Variants in IMMP2L observed in about 807,000 individuals in gnomAD.
The protein encoded by IMMP2L is inner mitochondrial membrane peptidase subunit 2.
IMMP2L carries 18 observed loss-of-function variants against 19.3 expected under a neutral mutation model. The ratio of observed to expected loss-of-function variants is 0.93; its 90% CI spans 0.64 to 1.38. IMMP2L has a LOEUF of 1.38. Ranked by LOEUF, IMMP2L falls within the 40% of genes most tolerant of loss-of-function variation. IMMP2L has a pLI of 0.00. For missense variants in IMMP2L, 233 were observed against 218.2 expected (o/e 1.07, Z -0.43); for synonymous variants, 76 against 73.0 (o/e 1.04, Z -0.21).
intron 3 of IMMP2L, among the ~76,000 whole-genome samples, chr7:111,348,264 G>T (rs1350806135): frequency 6.6e-6 from 1 of 151,768 alleles, no homozygotes; most frequent in Non-Finnish European, 1.5e-5. Flanking sequence ...TTGTGCACAT[G>T]TACCCTAGAA....
intron 3 of IMMP2L, among the ~76,000 whole-genome samples, chr7:111,415,790 T>G (rs566814083): frequency 2.6e-5 from 4 of 151,780 alleles, no homozygotes; most frequent in African/African-American, 9.7e-5. Context: ...CAAAGAAATT[T>G]CACATAACAA....
chr7:110,932,518 G>T (rs947466792), intron 4 of IMMP2L, among the ~76,000 whole-genome samples: 1 of 151,896 alleles, frequency 6.6e-6, no homozygotes, highest in South Asian at 2.1e-4. Flanking sequence ...CATGCCAGGT[G>T]ATTTTTTTGT....
At chr7:110,748,058 T>A (rs1451478980) in intron 5 of IMMP2L, among the ~76,000 whole-genome samples, 1 of 152,176 alleles carries the variant, frequency 6.6e-6, no homozygotes, top group Non-Finnish European at 1.5e-5. Context: ...AGTCTCAGGA[T>A]ACAAAATCAA....
At position 111,547,667 on chromosome 7, in the gene IMMP2L, T is replaced by A. The variant is rs145476308; in HGVS notation, c.-3+14184A>T. 2.2e-3 allele frequency among the ~76,000 whole-genome samples: 331 copies of A among 151,828 alleles called. 1 individual carries two copies. Among genetic ancestry groups the A allele is most frequent in the African/African-American group, 7.5e-3 (311 of 41,454 alleles). On this transcript the variant is annotated intron_variant, in intron 1 of 5. Transcript: ENST00000405709. ...AACTCCTGGGCTCAAGAGATTCCCC[T>A]GTCTCAGCCTCCTGAGTAGCTGGGA...
In IMMP2L at chr7:110,797,445, T is replaced by C. The variant is rs138430846; in HGVS notation, c.408+89148A>G. ...TTTTAGGTTGAATTAAAGCATGCTT[T>C]CAATATCATCTTCCCTTCTCCCTGA... On this transcript the variant is annotated intron_variant, in intron 5 of 5. Coordinates refer to ENST00000405709, the MANE Select transcript of IMMP2L (RefSeq NM_032549.4). Among the ~76,000 whole-genome samples the C allele has an allele frequency of 4.7e-4, 72 of 152,166 alleles. No homozygotes were observed. The East Asian group carries it at 0.014, about 30-fold the overall frequency.
intron 3 of IMMP2L, among the ~76,000 whole-genome samples, chr7:111,014,471 A>C (rs1825296648): frequency 6.6e-6 from 1 of 152,132 alleles, no homozygotes; most frequent in African/African-American, 2.4e-5. Context: ...TTAATCTTTG[A>C]ATCACTGAAC....
intron 3 of IMMP2L, among the ~76,000 whole-genome samples, chr7:111,121,875 A>C (rs913505164): frequency 9.9e-5 from 15 of 152,190 alleles, no homozygotes; most frequent in African/African-American, 3.6e-4. Flanking sequence ...TGGCAAATAT[A>C]CACCATGGAA....
chr7:111,220,350 T>C (rs916631390), intron 3 of IMMP2L, among the ~76,000 whole-genome samples: 3 of 151,984 alleles, frequency 2.0e-5, no homozygotes, highest in Non-Finnish European at 2.9e-5. Flanking sequence ...ATAAATCCTA[T>C]AAAGCAAGTT....
intron 3 of IMMP2L, among the ~76,000 whole-genome samples, chr7:111,377,759 A>T (rs922024642): frequency 5.3e-5 from 8 of 151,942 alleles, no homozygotes; most frequent in Non-Finnish European, 1.0e-4. Context: ...CATTTGATAT[A>T]TACTCTAAAC....
intron 3 of IMMP2L, among the ~76,000 whole-genome samples, chr7:111,459,256 A>G (rs1294750331): frequency 2.0e-5 from 3 of 152,152 alleles, no homozygotes; most frequent in Admixed American, 2.0e-4. Context: ...TTAGTGTAGC[A>G]GTCCAGAAGT....
At chr7:111,137,111 T>G (rs564503904) in intron 3 of IMMP2L, among the ~76,000 whole-genome samples, 2 of 152,282 alleles carry the variant, frequency 1.3e-5, no homozygotes, top group Non-Finnish European at 2.9e-5. Context: ...TTCGTCATGT[T>G]GAAATGCTGC....
At chr7:110,863,460 A>ATGG (rs1461439866) in intron 5 of IMMP2L, among the ~76,000 whole-genome samples, 1 of 152,078 alleles carries the variant, frequency 6.6e-6, no homozygotes, top group Non-Finnish European at 1.5e-5. Context: ...CCTAACTTAT[A>ATGG]AAGGTTTGAC....
At chr7:110,793,097 G>C (rs765116242) in intron 5 of IMMP2L, among the ~76,000 whole-genome samples, 1 of 152,056 alleles carries the variant, frequency 6.6e-6, no homozygotes, top group Non-Finnish European at 1.5e-5. Context: ...GGGAGAAACT[G>C]GTCAAAATGT....
At chr7:111,126,040 C>G (rs1801274229) in intron 3 of IMMP2L, among the ~76,000 whole-genome samples, 1 of 151,966 alleles carries the variant, frequency 6.6e-6, no homozygotes, top group Admixed American at 6.6e-5. Flanking sequence ...CCAGGCTGCT[C>G]TCGAACTCCT....
At chr7:111,190,256 C>G (rs1808723544) in intron 3 of IMMP2L, among the ~76,000 whole-genome samples, 1 of 152,008 alleles carries the variant, frequency 6.6e-6, no homozygotes, top group Admixed American at 6.6e-5. Flanking sequence ...TAACTACTTG[C>G]TCTATTTTTC....
At chr7:111,111,058 G>GT (rs1191740975) in intron 3 of IMMP2L, among the ~76,000 whole-genome samples, 2 of 152,096 alleles carry the variant, frequency 1.3e-5, no homozygotes, top group East Asian at 3.8e-4. Flanking sequence ...TCTGGAAAGA[G>GT]TTTATCTACT....
In IMMP2L at chr7:110,669,083, GTGTGTGTA is replaced by G. The variant is rs1562903305; in HGVS notation, c.409-5370_409-5363del. Among the ~76,000 whole-genome samples the G allele has an allele frequency of 2.9e-3, 289 of 101,318 alleles. 5 individuals are homozygous for G. The highest frequency in any genetic ancestry group is 0.014 in the East Asian group (53 of 3,658). 66.5% of individuals were successfully genotyped at this position (101,318 alleles called of 152,430 possible). A position where few individuals can be genotyped will look rare whatever the true frequency, so the allele number is the denominator to read the frequency against. On this transcript the variant is annotated intron_variant, in intron 5 of 5. Transcript: ENST00000405709. ...TGTGTGTGTGTGTGTGTGTGTGTGT[GTGTGTGTA>G]TATGTATATATATATATAGAGAGAG... is the stretch of plus-strand genomic sequence containing the variant.
At chr7:111,445,928 G>C (rs937853614) in intron 3 of IMMP2L, among the ~76,000 whole-genome samples, 1 of 152,180 alleles carries the variant, frequency 6.6e-6, no homozygotes, top group Non-Finnish European at 1.5e-5. Flanking sequence ...CCCTTTCCTA[G>C]TCAAAGAAAG....
At chr7:111,166,697 G>A (rs540833513) in intron 3 of IMMP2L, among the ~76,000 whole-genome samples, 1 of 152,012 alleles carries the variant, frequency 6.6e-6, no homozygotes, top group Admixed American at 6.6e-5. Context: ...GGTGTCATCG[G>A]GCTACATTTC....
Sources: allele counts gnomAD v4.1 joint callset (sites outside exome capture counted in the v4.1 genomes callset), GRCh38; gene constraint gnomAD v4.1.1; transcripts MANE v1.5; gene names NCBI Gene and HGNC (gene_info 2026-07-23, HGNC 2026-07-21).